The following DOT1L variants were observed in gnomAD, a reference collection of about 807,000 sequenced individuals.
DOT1L encodes DOT1 like histone lysine methyltransferase.
In DOT1L, 33 loss-of-function variants were observed where a neutral mutation model predicts 153.3. The observed-to-expected ratio is 0.22, with a 90% CI of 0.16 to 0.29. The LOEUF (loss-of-function observed/expected upper bound fraction) is 0.29. DOT1L is among the 10% of genes least tolerant of loss of function. DOT1L has a pLI of 1.00. For synonymous variants in DOT1L, 1,135 were observed against 965.1 expected (o/e 1.18, Z -3.26); for missense variants, 1,847 against 2,119.9 (o/e 0.87, Z 2.53).
At chr19:2,171,579 C>T (rs1400662204) in intron 1 of DOT1L, among the ~76,000 whole-genome samples, 2 of 152,234 alleles carry the variant, frequency 1.3e-5, no homozygotes, top group African/African-American at 4.8e-5. Context: ...ACGCCAAGAG[C>T]TGTGCCTTTC....
At position 2,190,007 on chromosome 19, in the gene DOT1L, C is replaced by T. The variant is rs537375770; in HGVS notation, c.264+212C>T. Among the ~76,000 whole-genome samples, 2 of 152,246 alleles carry T rather than the reference C, an allele frequency of 1.3e-5. No homozygotes were observed. Among genetic ancestry groups the T allele is most frequent in the South Asian group, 4.1e-4 (2 of 4,828 alleles). ...CTGTGGCCGTGTGCCAAAGCAGAGC[C>T]GTCCGTGGTTTGTGTGCTGAGGCAG... On this transcript the variant is annotated intron_variant, in intron 4 of 27. Transcript: ENST00000398665. This position sits in a 1 kb window ranked among gnomAD's most constrained non-coding sequence, Gnocchi z 4.8.
Position 2,216,577 on chromosome 19 carries a change from C to T in DOT1L, c.2220C>T (p.Ala740=). 1 of 1,609,010 alleles carries T rather than the reference C, an allele frequency of 6.2e-7. No homozygotes were observed. The highest frequency in any genetic ancestry group is 2.2e-5 in the East Asian group (1 of 44,878). Residue 740 remains alanine, a synonymous_variant, in exon 20 of 28, where the codon GCC becomes GCT. Transcript: ENST00000398665. ...SSKQNTPQYL[A]SPLDQEVVPC... Reference sequence around the variant, plus strand: ...AGCAGAACACGCCCCAGTACCTGGCCTCACCCCTGGACCAGGAGGTGGTGC... The same window carrying T: ...AGCAGAACACGCCCCAGTACCTGGCTTCACCCCTGGACCAGGAGGTGGTGC...
intron 25 of DOT1L, among the ~76,000 whole-genome samples, chr19:2,224,489 A>C: frequency 7.0e-6 from 1 of 143,528 alleles, no homozygotes; most frequent in Admixed American, 7.0e-5. Flanking sequence ...TTCCTGAGAC[A>C]CAGAGTTTTG....
intron 7 of DOT1L, among the ~76,000 whole-genome samples, chr19:2,195,853 G>C (rs1444268271): frequency 6.6e-6 from 1 of 152,240 alleles, no homozygotes; most frequent in Non-Finnish European, 1.5e-5. Context: ...AAAGTGTTCA[G>C]GGGTCCTGTT....
rs2024321075 is a variant in DOT1L, at chr19:2,226,188, G to A, written c.3667G>A (p.Gly1223Ser). The stretch of plus-strand genomic sequence containing the variant: ...CTGCCTTTCCTCTTTGCCAGGTGGT[G>A]GCTTGGCGGGAAGGAAGCCCGCGCC... ...SPPKTLENGGGLAGRKPAPAG... is the reference protein window; with the variant it reads ...SPPKTLENGGSLAGRKPAPAG... Residue 1223 changes from glycine to serine, a missense_variant, in exon 27 of 28, where the codon GGC (glycine) becomes AGC (serine). Physicochemically the swap from Gly to Ser is moderately conservative, Grantham distance 56 (BLOSUM62 0). Transcript: ENST00000398665. The A allele has an allele frequency of 6.6e-7, 1 of 1,515,724 alleles. No homozygotes were observed. Among genetic ancestry groups the A allele is most frequent in the Admixed American group, 2.1e-5 (1 of 48,048 alleles). 93.9% of individuals were successfully genotyped at this position (1,515,724 alleles called of 1,614,324 possible). A position where few individuals can be genotyped will look rare whatever the true frequency, so the allele number is the denominator to read the frequency against.
intron 27 of DOT1L, chr19:2,229,542 T>G: frequency 1.0e-6 from 1 of 985,454 alleles, no homozygotes; most frequent in Non-Finnish European, 1.2e-6. Flanking sequence ...CTCGGCTGTG[T>G]GTCTCCTTTG....
intron 24 of DOT1L, among the ~76,000 whole-genome samples, chr19:2,223,047 G>A (rs1004673393): frequency 4.6e-5 from 7 of 152,046 alleles, no homozygotes; most frequent in Non-Finnish European, 1.5e-5. Context: ...TCGGCTGTGG[G>A]GCCTTAGTGG....
At chr19:2,199,403 G>A (rs912753259) in intron 7 of DOT1L, among the ~76,000 whole-genome samples, 2 of 152,218 alleles carry the variant, frequency 1.3e-5, no homozygotes, top group Non-Finnish European at 2.9e-5. Context: ...GCCGAGTGTC[G>A]CTGCCTGCCG....
intron 8 of DOT1L, among the ~76,000 whole-genome samples, chr19:2,202,217 T>C (rs1040325681): frequency 7.2e-5 from 11 of 152,194 alleles, no homozygotes; most frequent in African/African-American, 2.7e-4. Flanking sequence ...CCCCTGTCCT[T>C]GCCAGAGTGT....
intron 9 of DOT1L, among the ~76,000 whole-genome samples, chr19:2,203,404 G>A (rs186872924): frequency 7.7e-4 from 117 of 152,308 alleles, no homozygotes; most frequent in Admixed American, 3.9e-3. Flanking sequence ...GCCCAGCCCT[G>A]GAATCTTCTT....
chr19:2,194,419 C>T (rs2022929168), intron 6 of DOT1L, 96 bp from the exon 7 acceptor site: 3 of 1,394,822 alleles, frequency 2.2e-6, no homozygotes, highest in Admixed American at 3.4e-5. Flanking sequence ...GATCCGCCCT[C>T]CTCAGCCTCC....
chr19:2,209,545 C>T (rs773135178), intron 12 of DOT1L, among the ~76,000 whole-genome samples: 10 of 152,344 alleles, frequency 6.6e-5, no homozygotes, highest in Admixed American at 1.3e-4. Flanking sequence ...GCGCCCTGCA[C>T]GCGCTGCACC....
chr19:2,178,246 T>G (rs1277989358), intron 1 of DOT1L, among the ~76,000 whole-genome samples: 2 of 149,998 alleles, frequency 1.3e-5, no homozygotes, highest in Non-Finnish European at 3.0e-5. Flanking sequence ...TTTTTTTTTT[T>G]TTGGTATTTT....
chr19:2,181,829 G>A (rs534938126), intron 2 of DOT1L, among the ~76,000 whole-genome samples: 3 of 148,112 alleles, frequency 2.0e-5, no homozygotes, highest in African/African-American at 4.9e-5. Flanking sequence ...GCGGCCAGCC[G>A]CCTCTCTCTG....
chr19:2,220,036 A>C lies in DOT1L; in HGVS notation c.2692-72A>C. The C allele has an allele frequency of 7.1e-7, 1 of 1,412,876 alleles. No individual in the cohort carries two copies. Among genetic ancestry groups the C allele is most frequent in the Non-Finnish European group, 9.7e-7 (1 of 1,030,316 alleles). 87.5% of individuals were successfully genotyped at this position (1,412,876 alleles called of 1,614,324 possible). A position where few individuals can be genotyped will look rare whatever the true frequency, so the allele number is the denominator to read the frequency against. ...CAGCCAGCTGCAGGCCTCAACACTC[A>C]CTGTTTCCAGCTGGGTTCTGGGTCT... On this transcript the variant is annotated intron_variant, in intron 22 of 27. Transcript: ENST00000398665. The surrounding 1 kb of genome is among the most constrained non-coding windows in gnomAD (Gnocchi z 4.5).
intron 1 of DOT1L, among the ~76,000 whole-genome samples, chr19:2,169,928 G>A (rs1347453445): frequency 6.6e-6 from 1 of 152,176 alleles, no homozygotes; most frequent in Admixed American, 6.5e-5. Context: ...AGGCCAAGGC[G>A]GGCAGATCAC....
At chr19:2,182,084 G>A (rs957067938) in intron 2 of DOT1L, among the ~76,000 whole-genome samples, 3 of 152,086 alleles carry the variant, frequency 2.0e-5, no homozygotes, top group Admixed American at 6.5e-5. Flanking sequence ...AAAATTAGCC[G>A]GGTGAGGTAG....
chr19:2,213,711 T>C lies in DOT1L; in HGVS notation c.1659+71T>C, dbSNP rs2023794960. On this transcript the variant is annotated intron_variant, in intron 17 of 27. Coordinates refer to ENST00000398665, the MANE Select transcript of DOT1L (RefSeq NM_032482.3). ...GGCTGGGGTGGTCCATGTCCGTCGGTATGGCTTCCTGTGGCTTCCTGTCTA... is the reference window on the plus strand; with the variant it reads ...GGCTGGGGTGGTCCATGTCCGTCGGCATGGCTTCCTGTGGCTTCCTGTCTA... The C allele has an allele frequency of 5.0e-6, 8 of 1,602,850 alleles. No individual in the cohort carries two copies. In the South Asian group the frequency reaches 8.9e-5, roughly 18 times the overall value.
intron 22 of DOT1L, among the ~76,000 whole-genome samples, chr19:2,219,165 C>T (rs979921052): frequency 1.3e-5 from 2 of 152,212 alleles, no homozygotes; most frequent in Non-Finnish European, 2.9e-5. Flanking sequence ...AGCCACCGCA[C>T]CCGGCCAATT....
Sources: gnomAD v4.1 joint callset for allele counts (sites outside exome capture counted in the v4.1 genomes callset) on GRCh38, gnomAD v4.1.1 for gene constraint, Gnocchi (gnomAD v3.1) non-coding constraint, MANE v1.5 for transcripts, NCBI Gene and HGNC (gene_info 2026-07-23, HGNC 2026-07-21) for gene names.